BLTP3A: variants seen among roughly 807,000 people sequenced by gnomAD.
BLTP3A encodes the protein bridge-like lipid transfer protein family member 3A, also known as ICBP90 binding protein 1.
the BLTP3A span, chr6:34,872,002 G>C: frequency 6.9e-7 from 1 of 1,456,046 alleles, no homozygotes. Flanking sequence ...CCCGGGGTTG[G>C]GGGGCAAAAA....
the BLTP3A span, chr6:34,875,045 C>G: frequency 6.6e-6 from 1 of 152,648 alleles, no homozygotes; most frequent in African/African-American, 2.4e-5. Context: ...CTCTAGGGCT[C>G]TATCTCATAG....
chr6:34,836,233 C>G, the BLTP3A span: 3 of 1,614,058 alleles, frequency 1.9e-6, no homozygotes, highest in Non-Finnish European at 1.7e-6. Context: ...GCAACAGCAG[C>G]AGCAGCCGCC....
At chr6:34,857,053 G>A in the BLTP3A span, 5 of 1,280,848 alleles carry the variant, frequency 3.9e-6, no homozygotes, top group Non-Finnish European at 5.3e-6. Flanking sequence ...AAGATTAATA[G>A]TTTGGTCTGT....
the BLTP3A span, among the ~76,000 whole-genome samples, chr6:34,825,669 A>G: frequency 6.6e-6 from 1 of 152,162 alleles, no homozygotes; most frequent in Admixed American, 6.5e-5. Flanking sequence ...TGAGCTAAAC[A>G]CCTTCCAGAG....
chr6:34,855,765 T>C, the BLTP3A span: 1 of 1,607,348 alleles, frequency 6.2e-7, no homozygotes, highest in African/African-American at 1.3e-5. Flanking sequence ...GGCAGATTCC[T>C]GGATTCATCC....
the BLTP3A span, among the ~76,000 whole-genome samples, chr6:34,869,068 C>T: frequency 1.3e-5 from 2 of 151,610 alleles, no homozygotes; most frequent in East Asian, 2.0e-4. Flanking sequence ...TGCAGTGGCA[C>T]GAATTCGACG....
the BLTP3A span, among the ~76,000 whole-genome samples, chr6:34,812,353 G>A: frequency 6.7e-6 from 1 of 149,462 alleles, no homozygotes; most frequent in Non-Finnish European, 1.5e-5. Flanking sequence ...GACGAGATGA[G>A]CCACTGTATG....
chr6:34,849,507 ATATTT>A, the BLTP3A span, among the ~76,000 whole-genome samples: 1 of 152,182 alleles, frequency 6.6e-6, no homozygotes, highest in African/African-American at 2.4e-5. Flanking sequence ...GTTTTTCTAT[ATATTT>A]TATTATACCG....
At chr6:34,813,328 G>T in the BLTP3A span, among the ~76,000 whole-genome samples, 1 of 152,152 alleles carries the variant, frequency 6.6e-6, no homozygotes. Context: ...GGCAAATGTA[G>T]ATTTGGACTA....
chr6:34,835,010 C>A, the BLTP3A span: 8 of 1,115,418 alleles, frequency 7.2e-6, no homozygotes, highest in Middle Eastern at 2.3e-4. Context: ...GCTCAACATC[C>A]TCTAGTAATA....
At chr6:34,821,584 G>A in the BLTP3A span, 3 of 1,431,210 alleles carry the variant, frequency 2.1e-6, no homozygotes, top group African/African-American at 2.9e-5. Flanking sequence ...ATTCAGAAGT[G>A]TTTTGGCTGT....
chr6:34,838,680 T>TA, the BLTP3A span, among the ~76,000 whole-genome samples: 1 of 152,162 alleles, frequency 6.6e-6, no homozygotes, highest in African/African-American at 2.4e-5. Context: ...CACGATGACT[T>TA]ACACCTGCAA....
the BLTP3A span, among the ~76,000 whole-genome samples, chr6:34,825,947 A>G: frequency 6.6e-6 from 1 of 151,370 alleles, no homozygotes; most frequent in East Asian, 2.0e-4. Context: ...TATGGTATTT[A>G]GGGGAGGATT....
chr6:34,859,475 C>G, the BLTP3A span: 1 of 1,614,186 alleles, frequency 6.2e-7, no homozygotes, highest in Non-Finnish European at 8.5e-7. Context: ...ATGGACCTCA[C>G]CAAGGAAGCT....
the BLTP3A span, among the ~76,000 whole-genome samples, chr6:34,863,766 T>C: frequency 2.6e-5 from 4 of 152,188 alleles, no homozygotes; most frequent in Non-Finnish European, 5.9e-5. Flanking sequence ...AATGTTGATA[T>C]GAGAGCGCTG....
chr6:34,858,760 G>A, the BLTP3A span: 2 of 1,614,058 alleles, frequency 1.2e-6, no homozygotes, highest in African/African-American at 2.7e-5. Flanking sequence ...TAGTGGTATG[G>A]ACAACAAAGG....
the BLTP3A span, chr6:34,835,298 A>G: frequency 1.3e-5 from 21 of 1,613,768 alleles, no homozygotes; most frequent in Non-Finnish European, 1.7e-5. Flanking sequence ...CCTCAGACCA[A>G]AGATTGCAAT....
chr6:34,798,594 C>CTTTTTTTTTTTTTTTTTT, the BLTP3A span, among the ~76,000 whole-genome samples: 24 of 94,490 alleles, frequency 2.5e-4, no homozygotes, highest in African/African-American at 9.6e-4. Flanking sequence ...TTCTTTCTTT[C>CTTTTTTTTTTTTTTTTTT]TTTTTTTTTT....
At chr6:34,860,259 C>CTTA in the BLTP3A span, among the ~76,000 whole-genome samples, 1 of 152,044 alleles carries the variant, frequency 6.6e-6, no homozygotes, top group Non-Finnish European at 1.5e-5. Context: ...CTGTGTTAAG[C>CTTA]GCCAGAGATA....
Sources: gnomAD v4.1 joint callset for allele counts (sites outside exome capture counted in the v4.1 genomes callset) on GRCh38, gnomAD v4.1.1 for gene constraint, MANE v1.5 for transcripts, NCBI Gene and HGNC (gene_info 2026-07-23, HGNC 2026-07-21) for gene names.